The following BNC2 variants were observed in gnomAD, a reference collection of about 807,000 sequenced individuals.
BNC2 encodes the protein zinc finger protein basonuclin-2.
BNC2 carries 20 observed loss-of-function variants against 76.3 expected under a neutral mutation model. The ratio of observed to expected loss-of-function variants is 0.26; its 90% confidence interval spans 0.18 to 0.38. The LOEUF (loss-of-function observed/expected upper bound fraction) is 0.38, where lower values mean the gene tolerates loss of function less well. BNC2 is among the 10% of genes least tolerant of loss of function. BNC2 has a pLI of 1.00. For synonymous variants in BNC2, 582 were observed against 514.8 expected (o/e 1.13, Z -1.77); for missense variants, 1,382 against 1,399.8 (o/e 0.99, Z 0.20).
intron 1 of BNC2, among the ~76,000 whole-genome samples, chr9:16,827,886 A>C (rs1818489996): frequency 1.3e-5 from 2 of 152,316 alleles, no homozygotes; most frequent in South Asian, 4.2e-4. Context: ...TTGAATCCAT[A>C]TGATATGCCC....
At chr9:16,812,450 T>C (rs1818076721) in intron 1 of BNC2, among the ~76,000 whole-genome samples, 1 of 152,136 alleles carries the variant, frequency 6.6e-6, no homozygotes, top group South Asian at 2.1e-4. Context: ...ACCCATCTGT[T>C]CCCCAAGCTC....
At chr9:16,512,922 G>A (rs1822793643) in intron 5 of BNC2, among the ~76,000 whole-genome samples, 1 of 152,046 alleles carries the variant, frequency 6.6e-6, no homozygotes, top group South Asian at 2.1e-4. Context: ...GATCACTTGA[G>A]GCCAGGATTT....
chr9:16,464,842 T>A (rs1221653493), intron 5 of BNC2, among the ~76,000 whole-genome samples: 1 of 152,220 alleles, frequency 6.6e-6, no homozygotes, highest in African/African-American at 2.4e-5. Flanking sequence ...AAACTAATCA[T>A]GTTCTTCTTT....
Position 16,419,434 on chromosome 9 carries a change from C to A in BNC2, c.2855G>T (p.Gly952Val). 6.2e-7 allele frequency: 1 copy of A among 1,608,962 alleles called. No individual in the cohort carries two copies. The highest frequency in any genetic ancestry group is 8.5e-7 in the Non-Finnish European group (1 of 1,177,236). The change falls in exon 7 of 7, where the codon GGC (glycine) becomes GTC (valine). Residue 952 changes from glycine to valine, a missense_variant. By Grantham distance (109) the Gly-to-Val change is moderately radical (BLOSUM62 -3). Coordinates refer to ENST00000380672, the MANE Select transcript of BNC2 (RefSeq NM_017637.6). ...AAGGACCATGTAGTCCTCTGCCATGCCTCTCCCATACCCGTTCAGGTGGGA... is the reference window on the plus strand; with the variant it reads ...AAGGACCATGTAGTCCTCTGCCATGACTCTCCCATACCCGTTCAGGTGGGA... Reference protein sequence around the residue: ...EDSHLNGYGRGMAEDYMVLDL... With the variant: ...EDSHLNGYGRVMAEDYMVLDL...
intron 1 of BNC2, among the ~76,000 whole-genome samples, chr9:16,812,324 G>A (rs1209360832): frequency 6.6e-6 from 1 of 152,186 alleles, no homozygotes; most frequent in Non-Finnish European, 1.5e-5. Context: ...TTATCCACCA[G>A]CAGTCCCATC....
At chr9:16,517,985 G>A (rs946594498) in intron 5 of BNC2, among the ~76,000 whole-genome samples, 13 of 152,098 alleles carry the variant, frequency 8.5e-5, no homozygotes, top group East Asian at 1.9e-4. Flanking sequence ...TACTGGTCTC[G>A]AAGGAACACA....
chr9:16,857,356 A>C (rs1443228417), intron 1 of BNC2, among the ~76,000 whole-genome samples: 1 of 151,896 alleles, frequency 6.6e-6, no homozygotes, highest in African/African-American at 2.4e-5. Flanking sequence ...AGGCACCTGT[A>C]ATCCCAGCTA....
At chr9:16,643,773 T>C (rs1821552928) in intron 3 of BNC2, among the ~76,000 whole-genome samples, 1 of 151,882 alleles carries the variant, frequency 6.6e-6, no homozygotes, top group Non-Finnish European at 1.5e-5. Context: ...ATGGGACAAA[T>C]ACATGGCTCT....
intron 1 of BNC2, among the ~76,000 whole-genome samples, chr9:16,784,689 G>C (rs1372286983): frequency 1.3e-5 from 2 of 152,190 alleles, no homozygotes; most frequent in African/African-American, 2.4e-5. Flanking sequence ...TCAATCACTA[G>C]AGTATCCTAG....
chr9:16,625,586 G>A (rs1820971272), intron 3 of BNC2: 1 of 152,154 alleles, frequency 6.6e-6, no homozygotes, highest in South Asian at 2.1e-4. Flanking sequence ...GAATCCACTG[G>A]CGTTTTAAAA....
Position 16,468,265 on chromosome 9 carries a change from T to C in BNC2, c.670-30741A>G, listed in dbSNP as rs114475356. Reference sequence around the variant, plus strand: ...ACCTACCTCTTTTGCAAAGTCTTCCTTGACTGCCCAAGACACACTTAGAGA... The same window carrying C: ...ACCTACCTCTTTTGCAAAGTCTTCCCTGACTGCCCAAGACACACTTAGAGA... On this transcript the variant is annotated intron_variant, in intron 5 of 6. Transcript: ENST00000380672. Among the ~76,000 whole-genome samples the C allele has an allele frequency of 6.3e-3, 958 of 152,244 alleles. 7 individuals are homozygous for C. The highest frequency in any genetic ancestry group is 0.022 in the African/African-American group (912 of 41,544).
Position 16,586,737 on chromosome 9 carries a change from G to T in BNC2, c.331-3652C>A, listed in dbSNP as rs74377910. 2.3e-4 allele frequency among the ~76,000 whole-genome samples: 35 copies of T among 152,316 alleles called. No homozygotes were observed. In the East Asian group the frequency reaches 6.8e-3, roughly 29 times the overall value. On this transcript the variant is annotated intron_variant, in intron 3 of 6. Coordinates refer to ENST00000380672, the MANE Select transcript of BNC2 (RefSeq NM_017637.6). ...ACTAAGCAAAAACCGTCACTGTGGA[G>T]CCAGGCACTGCCTCTTAAGTGGTGG...
At chr9:16,849,889 T>C (rs1353074270) in intron 1 of BNC2, among the ~76,000 whole-genome samples, 1 of 152,190 alleles carries the variant, frequency 6.6e-6, no homozygotes, top group Non-Finnish European at 1.5e-5. Flanking sequence ...TACTTTTTCC[T>C]TTGACTTTTG....
chr9:16,574,255 G>A (rs544056440), intron 4 of BNC2, among the ~76,000 whole-genome samples: 12 of 152,104 alleles, frequency 7.9e-5, no homozygotes, highest in Non-Finnish European at 1.5e-4. Context: ...AAAAATTTAT[G>A]ATGTAATAAA....
chr9:16,554,603 C>G (rs540850210), intron 4 of BNC2, among the ~76,000 whole-genome samples: 1 of 152,288 alleles, frequency 6.6e-6, no homozygotes, highest in East Asian at 1.9e-4. Flanking sequence ...GAAGTTTTCT[C>G]TCACTCCACA....
At chr9:16,540,512 A>T (rs548666693) in intron 5 of BNC2, among the ~76,000 whole-genome samples, 21 of 152,248 alleles carry the variant, frequency 1.4e-4, no homozygotes, top group African/African-American at 4.6e-4. Context: ...AAGTTAACCA[A>T]CTATTTCTCA....
rs1217138709 is a variant in BNC2, at chr9:16,685,616, A to C, written c.330+42181T>G. 8 of 1,304,174 alleles carry C rather than the reference A, an allele frequency of 6.1e-6. No homozygotes were observed. The East Asian group carries it at 2.8e-4, about 45-fold the overall frequency. The allele number at this position is 1,304,174 out of a possible 1,614,324, so 80.8% of individuals were successfully genotyped here. On this transcript the variant is annotated intron_variant, in intron 3 of 6. Transcript: ENST00000380672. ...TCTGCCCCCAGCACTCTGCCAGTAC[A>C]TGCCAATGGAACCTGAGGGAATACA... is the stretch of plus-strand genomic sequence containing the variant.
At chr9:16,515,311 G>T (rs759709525) in intron 5 of BNC2, among the ~76,000 whole-genome samples, 1 of 152,196 alleles carries the variant, frequency 6.6e-6, no homozygotes, top group Non-Finnish European at 1.5e-5. Flanking sequence ...CCGGTGAGAA[G>T]AGGATCAATG....
chr9:16,739,234 A>G (rs1024780555), intron 1 of BNC2, among the ~76,000 whole-genome samples: 1 of 152,200 alleles, frequency 6.6e-6, no homozygotes, highest in Non-Finnish European at 1.5e-5. Context: ...TTAGCCTGTT[A>G]TCTACCAACA....
Sources: gnomAD v4.1 joint callset for allele counts (sites outside exome capture counted in the v4.1 genomes callset) on GRCh38, gnomAD v4.1.1 for gene constraint, MANE v1.5 for transcripts, NCBI Gene and HGNC (gene_info 2026-07-23, HGNC 2026-07-21) for gene names.